The following IGF2BP3 variants were observed in gnomAD, a reference collection of about 807,000 sequenced individuals.
IGF2BP3 encodes the protein insulin-like growth factor 2 mRNA-binding protein 3.
In IGF2BP3, 9 loss-of-function variants were observed where a neutral mutation model predicts 73.8. That is an observed-to-expected ratio of 0.12 (90% CI 0.07 to 0.21). IGF2BP3 has a LOEUF of 0.21. IGF2BP3 is among the 10% of genes least tolerant of loss of function. The pLI is 1.00. For synonymous variants in IGF2BP3, 258 were observed against 256.7 expected (o/e 1.01, Z -0.05); for missense variants, 542 against 714.0 (o/e 0.76, Z 2.75).
rs117151817 is a variant in IGF2BP3 at position 23,319,261 on chromosome 7, G to T, written c.1204-7C>A. The T allele has an allele frequency of 0.013, 20,349 of 1,582,884 alleles. 166 individuals are homozygous for T. The highest frequency in any genetic ancestry group is 0.015 in the Non-Finnish European group (17,745 of 1,157,410). Reference sequence around the variant, plus strand: ...CAGTCTCCGTTTCTGATTGCTGTTAGAAAAGAAAGCCAGGACACCCATGTT... The same window carrying T: ...CAGTCTCCGTTTCTGATTGCTGTTATAAAAGAAAGCCAGGACACCCATGTT... On this transcript the variant is annotated splice_polypyrimidine_tract_variant and splice_region_variant and intron_variant, in intron 10 of 14. Coordinates refer to ENST00000258729, the MANE Select transcript of IGF2BP3 (RefSeq NM_006547.3).
rs1230513858 is a variant in IGF2BP3, at chr7:23,430,136, T to G, written c.237-11312A>C. On this transcript the variant is annotated intron_variant, in intron 2 of 14. Transcript: ENST00000258729. ...AATCTCGCTGTCACCCAGGCTGGAGTGCAGTGGCACGATCTCGGCTCACTG... is the reference window on the plus strand; with the variant it reads ...AATCTCGCTGTCACCCAGGCTGGAGGGCAGTGGCACGATCTCGGCTCACTG... 3.4e-5 allele frequency among the ~76,000 whole-genome samples: 5 copies of G among 149,200 alleles called. No individual in the cohort carries two copies. In the East Asian group the frequency reaches 9.9e-4, roughly 30 times the overall value.
At chr7:23,461,279 T>A (rs769971136) in intron 2 of IGF2BP3, among the ~76,000 whole-genome samples, 1 of 152,144 alleles carries the variant, frequency 6.6e-6, no homozygotes, top group Non-Finnish European at 1.5e-5. Context: ...CCTACAGCCA[T>A]AGGCTCAGTC....
chr7:23,401,137 C>G (rs1196024148), intron 3 of IGF2BP3, among the ~76,000 whole-genome samples: 1 of 152,158 alleles, frequency 6.6e-6, no homozygotes, highest in Non-Finnish European at 1.5e-5. Flanking sequence ...GAAATGGTCT[C>G]CTTTTAAAAA....
intron 3 of IGF2BP3, among the ~76,000 whole-genome samples, chr7:23,401,801 A>C (rs1428376891): frequency 2.0e-5 from 3 of 150,006 alleles, no homozygotes; most frequent in South Asian, 2.1e-4. Context: ...GATTGGCATG[A>C]AGCAAAATGC....
chr7:23,336,203 T>C (rs1784568637), intron 10 of IGF2BP3, among the ~76,000 whole-genome samples: 1 of 151,112 alleles, frequency 6.6e-6, no homozygotes, highest in African/African-American at 2.5e-5. Context: ...AAAAAAATTA[T>C]TTGAAACATT....
intron 10 of IGF2BP3, among the ~76,000 whole-genome samples, chr7:23,336,206 G>T (rs1034135568): frequency 6.6e-6 from 1 of 151,464 alleles, no homozygotes; most frequent in African/African-American, 2.4e-5. Flanking sequence ...AAAATTATTT[G>T]AAACATTTAG....
At chr7:23,384,095 CAAA>C (rs35378177) in intron 3 of IGF2BP3, among the ~76,000 whole-genome samples, 14 of 62,524 alleles carry the variant, frequency 2.2e-4, no homozygotes, top group African/African-American at 5.3e-4. Flanking sequence ...GACTCCATCT[CAAA>C]AAAAAAAAAA....
chr7:23,375,987 T>C (rs1001713606), intron 3 of IGF2BP3, among the ~76,000 whole-genome samples: 1 of 152,196 alleles, frequency 6.6e-6, no homozygotes, highest in Admixed American at 6.5e-5. Context: ...TGCTATAGAA[T>C]TGAATTTAGC....
At chr7:23,415,532 G>C (rs1045745937) in intron 3 of IGF2BP3, 2 of 265,522 alleles carry the variant, frequency 7.5e-6, no homozygotes, top group South Asian at 6.5e-5. Flanking sequence ...GGTCCCGTCC[G>C]TCAGTCGGCA....
At chr7:23,327,879 C>T (rs1244541527) in intron 10 of IGF2BP3, among the ~76,000 whole-genome samples, 1 of 152,098 alleles carries the variant, frequency 6.6e-6, no homozygotes, top group Non-Finnish European at 1.5e-5. Flanking sequence ...ACCATAAATC[C>T]ATGGAGAGAT....
At chr7:23,438,764 C>T (rs1238222151) in intron 2 of IGF2BP3, among the ~76,000 whole-genome samples, 1 of 152,094 alleles carries the variant, frequency 6.6e-6, no homozygotes, top group Non-Finnish European at 1.5e-5. Flanking sequence ...TTTAAAACTT[C>T]AGTAACTATG....
At chr7:23,435,254 T>C (rs1216551773) in intron 2 of IGF2BP3, among the ~76,000 whole-genome samples, 6 of 117,276 alleles carry the variant, frequency 5.1e-5, no homozygotes, top group African/African-American at 2.0e-4. Flanking sequence ...GATCGCACCA[T>C]TGCACTCCAG....
rs1386725381 is a variant in IGF2BP3 at position 23,397,618 on chromosome 7, C to A, written c.285+21158G>T. Among the ~76,000 whole-genome samples, 5 of 152,184 alleles carry A rather than the reference C, an allele frequency of 3.3e-5. No individual in the cohort carries two copies. The East Asian group carries it at 9.6e-4, about 29-fold the overall frequency. ...ATCTCATAATAGGAATGCTGCATCC[C>A]CTACATGAAATGACAAAATGTATTC... On this transcript the variant is annotated intron_variant, in intron 3 of 14. Coordinates refer to ENST00000258729, the MANE Select transcript of IGF2BP3 (RefSeq NM_006547.3).
At chr7:23,383,252 A>C (rs983787641) in intron 3 of IGF2BP3, among the ~76,000 whole-genome samples, 36 of 152,356 alleles carry the variant, frequency 2.4e-4, no homozygotes, top group African/African-American at 8.7e-4. Flanking sequence ...CAGGCTAACA[A>C]GCAAGTATGT....
At position 23,355,611 on chromosome 7, in the gene IGF2BP3, A is replaced by T. The variant is rs112559322; in HGVS notation, c.402-4025T>A. On this transcript the variant is annotated intron_variant, in intron 5 of 14. Transcript: ENST00000258729. Reference sequence around the variant, plus strand: ...TGAGAAGATGATGAGTAATTTTGCCAGTTGGTAGAATTTAAATGTATTGAT... The same window carrying T: ...TGAGAAGATGATGAGTAATTTTGCCTGTTGGTAGAATTTAAATGTATTGAT... Among the ~76,000 whole-genome samples, 814 of 152,212 alleles carry T rather than the reference A, an allele frequency of 5.3e-3. 8 individuals carry two copies. The highest frequency in any genetic ancestry group is 0.018 in the African/African-American group (746 of 41,520).
intron 3 of IGF2BP3, among the ~76,000 whole-genome samples, chr7:23,403,962 C>CA (rs201416940): frequency 1.9e-3 from 274 of 142,518 alleles, no homozygotes; most frequent in African/African-American, 1.7e-3. Flanking sequence ...GTTTGTAAAA[C>CA]AAAAAAAAAA....
At chr7:23,320,417 C>T (rs147391369) in intron 10 of IGF2BP3, among the ~76,000 whole-genome samples, 95 of 151,504 alleles carry the variant, frequency 6.3e-4, no homozygotes, top group African/African-American at 2.1e-3. Flanking sequence ...TGACTGGGCT[C>T]CTAAAAAGGC....
At chr7:23,410,216 G>A (rs1282301306) in intron 3 of IGF2BP3, among the ~76,000 whole-genome samples, 1 of 151,990 alleles carries the variant, frequency 6.6e-6, no homozygotes, top group Non-Finnish European at 1.5e-5. Context: ...AAATAGCCAG[G>A]TGTGGTGGTA....
At chr7:23,417,158 G>A (rs1787215106) in intron 3 of IGF2BP3, among the ~76,000 whole-genome samples, 1 of 152,288 alleles carries the variant, frequency 6.6e-6, no homozygotes, top group Middle Eastern at 3.4e-3. Flanking sequence ...CCTAACAGCA[G>A]CAGCCCATCT....
Sources: allele counts gnomAD v4.1 joint callset (sites outside exome capture counted in the v4.1 genomes callset), GRCh38; gene constraint gnomAD v4.1.1; transcripts MANE v1.5; gene names NCBI Gene and HGNC (gene_info 2026-07-23, HGNC 2026-07-21).